Variants in PLXDC1 observed in about 807,000 individuals in gnomAD.
The protein encoded by PLXDC1 is plexin domain-containing protein 1.
Under a neutral mutation model 61.3 loss-of-function variants are expected in PLXDC1, and 39 were observed. The ratio of observed to expected loss-of-function variants is 0.64; its 90% CI spans 0.49 to 0.83. The LOEUF is 0.83. PLXDC1 is among the 40% of genes least tolerant of loss of function. PLXDC1 has a pLI of 0.00. For synonymous variants in PLXDC1, 212 were observed against 254.5 expected, an observed-to-expected ratio of 0.83 and a Z score of 1.59; for missense variants, 596 against 666.5, an observed-to-expected ratio of 0.89 and a Z score of 1.17.
At chr17:39,097,292 A>G (rs1329161152) in intron 7 of PLXDC1, among the ~76,000 whole-genome samples, 4 of 152,222 alleles carry the variant, frequency 2.6e-5, no homozygotes, top group South Asian at 2.1e-4. Context: ...GGCTTGGTCA[A>G]TAGGATTATC....
intron 7 of PLXDC1, among the ~76,000 whole-genome samples, chr17:39,105,521 C>A (rs1910561346): frequency 6.6e-6 from 1 of 152,082 alleles, no homozygotes; most frequent in Non-Finnish European, 1.5e-5. Flanking sequence ...GGGAAGGCCA[C>A]AATGGTTGTA....
At chr17:39,072,421 A>G (rs1179320977) in intron 12 of PLXDC1, 29 bp downstream of exon 12, 1 of 1,523,452 alleles carries the variant, frequency 6.6e-7, no homozygotes. Flanking sequence ...GCTGGGTCTG[A>G]CGCTGAGGGC....
At chr17:39,073,194 T>A (rs1349887254) in intron 11 of PLXDC1, 1 of 152,134 alleles carries the variant, frequency 6.6e-6, no homozygotes, top group African/African-American at 2.4e-5. Flanking sequence ...GTCTGGCTAA[T>A]TAAAAAAGAT....
chr17:39,141,297 T>C (rs1261172413), intron 1 of PLXDC1, among the ~76,000 whole-genome samples: 1 of 152,212 alleles, frequency 6.6e-6, no homozygotes, highest in African/African-American at 2.4e-5. Flanking sequence ...GCTCCCAAGG[T>C]GCTGGGATTA....
At chr17:39,078,185 C>G in intron 10 of PLXDC1, 137 bp from the exon 11 acceptor site, 4 of 842,636 alleles carry the variant, frequency 4.7e-6, no homozygotes, top group Non-Finnish European at 7.2e-6. Flanking sequence ...AGATGCCAAT[C>G]TTAAATAAAT....
In PLXDC1 at chr17:39,151,585, C is replaced by T. The variant is rs981797783; in HGVS notation, c.-148G>A. 1 of 1,155,630 alleles carries T rather than the reference C, an allele frequency of 8.7e-7. No individual in the cohort carries two copies. Among genetic ancestry groups the T allele is most frequent in the Non-Finnish European group, 1.1e-6 (1 of 938,432 alleles). The allele number at this position is 1,155,630 out of a possible 1,614,324, so 71.6% of individuals were successfully genotyped here. A position where few individuals can be genotyped will look rare whatever the true frequency, so the allele number is the denominator to read the frequency against. ...CGGCGGAGCGCGGGGCCGGGCGAGC[C>T]GGCAGGAGCGGCGAGAGCGCGAGCG... On this transcript the variant is annotated 5_prime_UTR_variant, in exon 1 of 14. Coordinates refer to ENST00000315392, the MANE Select transcript of PLXDC1 (RefSeq NM_020405.5). The surrounding 1 kb of genome is among the most constrained non-coding windows in gnomAD (Gnocchi z 5.2).
chr17:39,120,379 G>T (rs1911123219), intron 2 of PLXDC1, among the ~76,000 whole-genome samples: 1 of 152,068 alleles, frequency 6.6e-6, no homozygotes, highest in Non-Finnish European at 1.5e-5. Flanking sequence ...CTCCCAAAGT[G>T]CTGGGATTAC....
At chr17:39,102,938 C>T (rs897565240) in intron 7 of PLXDC1, among the ~76,000 whole-genome samples, 2 of 152,096 alleles carry the variant, frequency 1.3e-5, no homozygotes, top group Admixed American at 1.3e-4. Flanking sequence ...AAAAATATAA[C>T]TTTATAAATG....
intron 7 of PLXDC1, among the ~76,000 whole-genome samples, chr17:39,092,313 A>C (rs904406099): frequency 6.6e-6 from 1 of 151,980 alleles, no homozygotes; most frequent in South Asian, 2.1e-4. Context: ...GGCTCAAGCA[A>C]TCTGCCTGCC....
chr17:39,090,169 G>A (rs149081749), intron 7 of PLXDC1, among the ~76,000 whole-genome samples: 13 of 152,260 alleles, frequency 8.5e-5, no homozygotes, highest in East Asian at 1.9e-4. Flanking sequence ...CTGCGCCCCC[G>A]TGGGTCTGGC....
intron 9 of PLXDC1, 67 bp downstream of exon 9, chr17:39,083,392 G>A: frequency 7.9e-7 from 1 of 1,261,850 alleles, no homozygotes; most frequent in Non-Finnish European, 1.1e-6. Flanking sequence ...GCCAGGACGG[G>A]GCCATGCCAC....
chr17:39,117,888 A>G (rs965909790), intron 2 of PLXDC1, among the ~76,000 whole-genome samples: 1 of 152,170 alleles, frequency 6.6e-6, no homozygotes, highest in African/African-American at 2.4e-5. Flanking sequence ...ATGAAAAAGA[A>G]GAGACTTCAG....
intron 2 of PLXDC1, among the ~76,000 whole-genome samples, chr17:39,110,740 A>C (rs945302439): frequency 6.6e-6 from 1 of 152,236 alleles, no homozygotes; most frequent in Non-Finnish European, 1.5e-5. Context: ...CCCTGGGCGC[A>C]GCGTGAGCAG....
chr17:39,095,437 C>T (rs1049119103), intron 7 of PLXDC1, among the ~76,000 whole-genome samples: 2 of 135,480 alleles, frequency 1.5e-5, no homozygotes, highest in Non-Finnish European at 3.1e-5. Context: ...TGGAGCTTGC[C>T]CAAGACAATG....
chr17:39,087,777 T>A, intron 7 of PLXDC1, 75 bp from the exon 8 acceptor site: 1 of 1,054,900 alleles, frequency 9.5e-7, no homozygotes, highest in African/African-American at 1.5e-5. Context: ...CCGGACAGTC[T>A]GACAGGTCAG....
In PLXDC1 at chr17:39,151,410, G is replaced by C; in HGVS notation, c.28C>G (p.Leu10Val). 7.7e-7 allele frequency: 1 copy of C among 1,296,526 alleles called. No individual in the cohort carries two copies. The highest frequency in any genetic ancestry group is 9.8e-7 in the Non-Finnish European group (1 of 1,020,520). 80.3% of individuals were successfully genotyped at this position (1,296,526 alleles called of 1,614,324 possible). MRGELWLLV[L>V]VLREAARALS... ...GCCCGGGCAGCCTCCCTGAGCACCAGCACCAGGAGCCAGAGCTCGCCTCGC... is the reference window on the plus strand; with the variant it reads ...GCCCGGGCAGCCTCCCTGAGCACCACCACCAGGAGCCAGAGCTCGCCTCGC... Residue 10 changes from leucine (L) to valine (V), a missense_variant, in exon 1 of 14, where the codon CTG becomes GTG. Leu to Val is a conservative substitution (Grantham distance 32). Transcript: ENST00000315392. This position sits in a 1 kb window ranked among gnomAD's most constrained non-coding sequence, Gnocchi z 5.2.
chr17:39,097,315 A>C (rs1910244743), intron 7 of PLXDC1, among the ~76,000 whole-genome samples: 1 of 152,218 alleles, frequency 6.6e-6, no homozygotes, highest in African/African-American at 2.4e-5. Context: ...TGGTGATCAT[A>C]GGGTCTGCAG....
intron 2 of PLXDC1, 145 bp downstream of exon 2, chr17:39,139,509 C>T (rs1283152408): frequency 4.2e-6 from 3 of 718,886 alleles, no homozygotes; most frequent in Non-Finnish European, 6.7e-6. Context: ...CCATCCCCTC[C>T]CCGGGGATTC....
chr17:39,085,746 C>T (rs2143440931), intron 8 of PLXDC1, among the ~76,000 whole-genome samples: 1 of 152,220 alleles, frequency 6.6e-6, no homozygotes, highest in South Asian at 2.1e-4. Context: ...AAGTCCTTCC[C>T]ACACCCAAAT....
Sources: allele counts gnomAD v4.1 joint callset (sites outside exome capture counted in the v4.1 genomes callset), GRCh38; gene constraint gnomAD v4.1.1; non-coding constraint Gnocchi (gnomAD v3.1); transcripts MANE v1.5; gene names NCBI Gene and HGNC (gene_info 2026-07-23, HGNC 2026-07-21).